The following PDIA4 variants were observed in gnomAD, a reference collection of about 807,000 sequenced individuals.
PDIA4 encodes the protein protein disulfide isomerase family A member 4, also known as protein disulfide-isomerase A4.
In PDIA4, 33 loss-of-function variants were observed where a neutral mutation model predicts 62.1. That is an observed-to-expected ratio of 0.53 (90% CI 0.40 to 0.71). The LOEUF (loss-of-function observed/expected upper bound fraction) is 0.71. PDIA4 is among the 30% of genes least tolerant of loss of function. The pLI, the probability that PDIA4 is intolerant of heterozygous loss-of-function variation, is 0.00. For missense variants in PDIA4, 804 were observed against 813.6 expected (o/e 0.99, Z 0.14); for synonymous variants, 341 against 324.1 (o/e 1.05, Z -0.56).
chr7:149,003,979 C>T lies in PDIA4; in HGVS notation c.1753G>A (p.Ala585Thr), dbSNP rs752610120. ...QKGLVIAKMD[A>T]TANDVPSDRY... Reference sequence around the variant, plus strand: ...TCGCTGGGGACGTCGTTGGCAGTGGCGTCCATCTTGGCGATGACCAGGCCC... The same window carrying T: ...TCGCTGGGGACGTCGTTGGCAGTGGTGTCCATCTTGGCGATGACCAGGCCC... Residue 585 changes from alanine (A) to threonine (T), a missense_variant, in exon 10 of 10, where the codon GCC becomes ACC. By Grantham distance (58) the Ala-to-Thr change is moderately conservative. Coordinates refer to ENST00000652332, the MANE Select transcript of PDIA4 (RefSeq NM_004911.5). The T allele has an allele frequency of 8.7e-6, 14 of 1,613,216 alleles. No homozygotes were observed. The highest frequency in any genetic ancestry group is 5.0e-5 in the Admixed American group (3 of 59,958).
Position 149,020,990 on chromosome 7 carries a change from C to A in PDIA4, c.246G>T (p.Val82=), listed in dbSNP as rs1824326732. 8 of 1,614,166 alleles carry A rather than the reference C, an allele frequency of 5.0e-6. No homozygotes were observed. The East Asian group carries it at 1.8e-4, about 36-fold the overall frequency. ...ACCATGGAGCATAAAACTCCAGCAG[C>A]ACTGTGTCTTTGTCAGCCACAAAAT... ...FDNFVADKDT[V]LLEFYAPWCG... The change falls in exon 2 of 10, where the codon GTG becomes GTT. Residue 82 remains valine (V), a synonymous_variant. Transcript: ENST00000652332.
At chr7:149,005,725 G>A (rs1823732003) in intron 8 of PDIA4, among the ~76,000 whole-genome samples, 172 bp downstream of exon 8, 1 of 152,124 alleles carries the variant, frequency 6.6e-6, no homozygotes, top group South Asian at 2.1e-4. Context: ...GCTAAAAAGG[G>A]AAGCCATCAA....
intron 3 of PDIA4, among the ~76,000 whole-genome samples, chr7:149,018,219 ACT>A (rs1824211902): frequency 6.6e-6 from 1 of 151,474 alleles, no homozygotes; most frequent in South Asian, 2.1e-4. Context: ...ACAGAGTGAG[ACT>A]AAGTCTCAAA....
intron 5 of PDIA4, 54 bp from the exon 6 acceptor site, chr7:149,012,058 T>A: frequency 1.2e-6 from 2 of 1,603,384 alleles, no homozygotes; most frequent in Non-Finnish European, 1.7e-6. Flanking sequence ...CCACTTCCCA[T>A]GGCCCATGCC....
chr7:149,016,389 GA>G (rs377584768), intron 3 of PDIA4, among the ~76,000 whole-genome samples: 65 of 152,318 alleles, frequency 4.3e-4, no homozygotes, highest in African/African-American at 1.5e-3. Flanking sequence ...ATAAAAACAT[GA>G]AGGTACAGGA....
At chr7:149,020,023 C>A (rs1474416256) in intron 2 of PDIA4, among the ~76,000 whole-genome samples, 1 of 152,138 alleles carries the variant, frequency 6.6e-6, no homozygotes, top group African/African-American at 2.4e-5. Flanking sequence ...TGCAGTGGCA[C>A]AATTTCAGCT....
intron 2 of PDIA4, 128 bp downstream of exon 2, chr7:149,020,839 G>A (rs937332890): frequency 7.0e-7 from 1 of 1,423,008 alleles, no homozygotes; most frequent in African/African-American, 1.4e-5. Flanking sequence ...CGTTCTTAAA[G>A]CTAGAGTGCA....
At position 149,003,878 on chromosome 7, in the gene PDIA4, C is replaced by A. The variant is rs761357910; in HGVS notation, c.1854G>T (p.Glu618Asp). The change falls in exon 10 of 10, where the codon GAG becomes GAT. Residue 618 changes from glutamate to aspartate, a missense_variant. Coordinates refer to ENST00000652332, the MANE Select transcript of PDIA4 (RefSeq NM_004911.5). ...AATGCTCCAGATCTCTGTCTCCACC[C>A]TCAAATTTAACTGGGTTCTTTTTGT... is the stretch of plus-strand genomic sequence containing the variant. ...SGDKKNPVKFEGGDRDLEHLS... is the reference protein window; with the variant it reads ...SGDKKNPVKFDGGDRDLEHLS... 1 of 1,613,108 alleles carries A rather than the reference C, an allele frequency of 6.2e-7. No homozygotes were observed. Among genetic ancestry groups the A allele is most frequent in the Non-Finnish European group, 8.5e-7 (1 of 1,179,644 alleles).
intron 1 of PDIA4, among the ~76,000 whole-genome samples, chr7:149,026,308 A>G (rs958898818): frequency 6.6e-6 from 1 of 152,124 alleles, no homozygotes; most frequent in Admixed American, 6.5e-5. Flanking sequence ...GGATTGCTTG[A>G]GGCCAGCCTG....
intron 4 of PDIA4, among the ~76,000 whole-genome samples, chr7:149,014,433 T>G (rs1171271181): frequency 6.6e-6 from 1 of 152,030 alleles, no homozygotes; most frequent in Non-Finnish European, 1.5e-5. Flanking sequence ...CTGGGCCGTC[T>G]CCTGGGAAGG....
chr7:149,012,522 G>A (rs1438702734), intron 4 of PDIA4, among the ~76,000 whole-genome samples, 162 bp from the exon 5 acceptor site: 1 of 152,144 alleles, frequency 6.6e-6, no homozygotes, highest in Admixed American at 6.5e-5. Context: ...TGCTGTTGAG[G>A]GCGCTACCGC....
rs761489579 is a variant in PDIA4 at position 149,003,823 on chromosome 7, T to C, written c.1909A>G (p.Lys637Glu). 2 of 1,580,864 alleles carry C rather than the reference T, an allele frequency of 1.3e-6. No homozygotes were observed. Among genetic ancestry groups the C allele is most frequent in the South Asian group, 2.4e-5 (2 of 84,442 alleles). The change falls in exon 10 of 10, where the codon AAA becomes GAA. Residue 637 changes from lysine to glutamate, a missense_variant. Coordinates refer to ENST00000652332, the MANE Select transcript of PDIA4 (RefSeq NM_004911.5). ...LSKFIEEHAT[K>E]LSRTKEEL Reference sequence around the variant, plus strand: ...AGCTCTTCCTTGGTCCTGCTCAGTTTTGTGGCATGTTCTTCTATAAACTTG... The same window carrying C: ...AGCTCTTCCTTGGTCCTGCTCAGTTCTGTGGCATGTTCTTCTATAAACTTG...
At position 149,003,694 on chromosome 7, in the gene PDIA4, T is replaced by G; in HGVS notation, c.*100A>C. On this transcript the variant is annotated 3_prime_UTR_variant, in exon 10 of 10. Coordinates refer to ENST00000652332, the MANE Select transcript of PDIA4 (RefSeq NM_004911.5). ...AAAATTAAAAAAAAAAAAAAAGGAA[T>G]CCGAGATACTGTCGTTTGTTGCCGG... 1.5e-6 allele frequency: 1 copy of G among 677,490 alleles called. No individual in the cohort carries two copies. Among genetic ancestry groups the G allele is most frequent in the Admixed American group, 3.3e-5 (1 of 30,422 alleles). The allele number at this position is 677,490 out of a possible 1,614,324, so 42.0% of individuals were successfully genotyped here. A position where few individuals can be genotyped will look rare whatever the true frequency, so the allele number is the denominator to read the frequency against.
At chr7:149,020,920 G>A (rs1254165640) in intron 2 of PDIA4, 47 bp downstream of exon 2, 3 of 1,594,050 alleles carry the variant, frequency 1.9e-6, no homozygotes, top group Non-Finnish European at 2.6e-6. Flanking sequence ...CTGAGCGAAT[G>A]GAGCACAGCG....
chr7:149,026,846 C>G (rs1824576353), intron 1 of PDIA4, among the ~76,000 whole-genome samples: 1 of 151,552 alleles, frequency 6.6e-6, no homozygotes, highest in Non-Finnish European at 1.5e-5. Context: ...GAGGCCTGCC[C>G]TTGGCCATGA....
Position 149,004,146 on chromosome 7 carries a change from A to AC in PDIA4, c.1585dup (p.Val529GlyfsTer8). ...GGAGTCAAAGGTCTTTCCCACCACG[A>AC]CCTTGACGGGTCCCTTGTTGTTCTT... On this transcript the variant is annotated frameshift_variant, in exon 10 of 10. Transcript: ENST00000652332. LOFTEE classifies it high-confidence loss of function. The AC allele has an allele frequency of 6.2e-7, 1 of 1,614,022 alleles. No individual in the cohort carries two copies. Among genetic ancestry groups the AC allele is most frequent in the Non-Finnish European group, 8.5e-7 (1 of 1,180,004 alleles).
At position 149,011,984 on chromosome 7, in the gene PDIA4, C is replaced by A; in HGVS notation, c.841G>T (p.Glu281Ter). The change falls in exon 6 of 10, where the codon GAG becomes TAG. Residue 281 changes from glutamate (E) to a stop codon, truncating the protein, a stop_gained. Coordinates refer to ENST00000652332, the MANE Select transcript of PDIA4 (RefSeq NM_004911.5). LOFTEE classifies it high-confidence loss of function. Reference sequence around the variant, plus strand: ...TCCTTGGAGGGAGGCCCGGACTGCTCGATCATGTAATCAACGATTCCTGGG... The same window carrying A: ...TCCTTGGAGGGAGGCCCGGACTGCTAGATCATGTAATCAACGATTCCTGGG... ...EKYGIVDYMIEQSGPPSKEIL... is the reference protein window; with the variant it reads ...EKYGIVDYMI 6.3e-7 allele frequency: 1 copy of A among 1,596,922 alleles called. No homozygotes were observed. Among genetic ancestry groups the A allele is most frequent in the South Asian group, 1.1e-5 (1 of 88,574 alleles).
intron 3 of PDIA4, among the ~76,000 whole-genome samples, chr7:149,016,705 G>T (rs1824150949): frequency 6.6e-6 from 1 of 152,082 alleles, no homozygotes; most frequent in Non-Finnish European, 1.5e-5. Context: ...TAGAGATGGG[G>T]TTTAACCATG....
At chr7:149,026,252 C>G (rs536399250) in intron 1 of PDIA4, among the ~76,000 whole-genome samples, 3 of 152,144 alleles carry the variant, frequency 2.0e-5, no homozygotes, top group Non-Finnish European at 4.4e-5. Context: ...AAGCCCACAC[C>G]GTGGCTCACG....
Sources: allele counts gnomAD v4.1 joint callset (sites outside exome capture counted in the v4.1 genomes callset), GRCh38; gene constraint gnomAD v4.1.1; transcripts MANE v1.5; gene names NCBI Gene and HGNC (gene_info 2026-07-23, HGNC 2026-07-21).